Variants in FHAD1 observed in about 807,000 individuals in gnomAD.
FHAD1 encodes forkhead-associated domain-containing protein 1.
FHAD1 carries 146 observed loss-of-function variants against 191.3 expected under a neutral mutation model. That is an observed-to-expected ratio of 0.76 (90% CI 0.67 to 0.88). FHAD1 has a LOEUF of 0.88. FHAD1 is among the 40% of genes least tolerant of loss of function. The pLI is 0.00. For missense variants in FHAD1, 1,635 were observed against 1,785.8 expected (o/e 0.92, Z 1.52); for synonymous variants, 616 against 672.3 (o/e 0.92, Z 1.29).
chr1:15,355,591 A>G (rs1692449474), intron 20 of FHAD1, among the ~76,000 whole-genome samples: 2 of 152,208 alleles, frequency 1.3e-5, no homozygotes, highest in African/African-American at 2.4e-5. Flanking sequence ...CAGCTCTTCA[A>G]AGAAACAATT....
chr1:15,392,485 T>C (rs1188203003), intron 33 of FHAD1, among the ~76,000 whole-genome samples: 2 of 152,110 alleles, frequency 1.3e-5, no homozygotes, highest in African/African-American at 2.4e-5. Context: ...TGAGCCGAGA[T>C]TGCGCCACTG....
At chr1:15,358,567 C>T (rs1047862959) in intron 21 of FHAD1, among the ~76,000 whole-genome samples, 1 of 152,210 alleles carries the variant, frequency 6.6e-6, no homozygotes, top group Non-Finnish European at 1.5e-5. Flanking sequence ...TAATGAGAAG[C>T]GTTGGTTTAG....
At chr1:15,272,604 G>A in intron 3 of FHAD1, 75 bp downstream of exon 3, 1 of 1,362,622 alleles carries the variant, frequency 7.3e-7, no homozygotes, top group Non-Finnish European at 1.0e-6. Flanking sequence ...CAGCTGCAGG[G>A]TGGCGCTTAT....
chr1:15,307,160 A>C (rs997951788), intron 6 of FHAD1, among the ~76,000 whole-genome samples: 1 of 152,126 alleles, frequency 6.6e-6, no homozygotes, highest in African/African-American at 2.4e-5. Flanking sequence ...TGGAGCTTTA[A>C]AGTTTGACTG....
chr1:15,401,490 C>T (rs1042287097), downstream of FHAD1, among the ~76,000 whole-genome samples: 18 of 152,342 alleles, frequency 1.2e-4, no homozygotes, highest in African/African-American at 4.1e-4. Flanking sequence ...AACTTCCTTC[C>T]GCCCTTGCCA....
intron 2 of FHAD1, among the ~76,000 whole-genome samples, chr1:15,258,296 C>G (rs1463932687): frequency 1.3e-5 from 2 of 152,204 alleles, no homozygotes; most frequent in African/African-American, 4.8e-5. Context: ...CTTTCTGTCT[C>G]TGAATTTGCC....
chr1:15,382,045 T>C lies in FHAD1; in HGVS notation c.4040T>C (p.Ile1347Thr). 4.5e-6 allele frequency: 7 copies of C among 1,551,980 alleles called. No homozygotes were observed. The highest frequency in any genetic ancestry group is 6.1e-6 in the Non-Finnish European group (7 of 1,147,064). ...GCACCCAGGCGGAGCAAAGTGTCCA[T>C]TGAGATGTACCAGTCGCAGGTGGCA... ...VEQLRRSKVS[I>T]EMYQSQVAKL... Residue 1347 changes from isoleucine (I) to threonine (T), a missense_variant, in exon 31 of 34, where the codon ATT (isoleucine) becomes ACT (threonine). Transcript: ENST00000688493.
intron 31 of FHAD1, among the ~76,000 whole-genome samples, chr1:15,384,959 C>G (rs1297704227): frequency 6.6e-6 from 1 of 152,066 alleles, no homozygotes; most frequent in Admixed American, 6.6e-5. Context: ...ACCTCCGATC[C>G]CGGCCCTCCC....
At chr1:15,296,832 C>T (rs1667140532) in intron 5 of FHAD1, 39 bp downstream of exon 5, 1 of 1,498,078 alleles carries the variant, frequency 6.7e-7, no homozygotes, top group African/African-American at 1.4e-5. Flanking sequence ...GCTGCAGCAG[C>T]AAGCGCACTG....
At chr1:15,302,740 G>A (rs934942867) in intron 6 of FHAD1, among the ~76,000 whole-genome samples, 3 of 152,148 alleles carry the variant, frequency 2.0e-5, no homozygotes, top group African/African-American at 7.2e-5. Context: ...AGTGGTCAGT[G>A]ATATTGTATA....
At chr1:15,342,271 A>C (rs1687018312) in intron 16 of FHAD1, among the ~76,000 whole-genome samples, 2 of 152,200 alleles carry the variant, frequency 1.3e-5, no homozygotes. Context: ...CTCTTTATAC[A>C]TATCGGGGGA....
chr1:15,369,339 C>T (rs750620223), intron 25 of FHAD1, 31 bp from the exon 26 acceptor site: 134 of 1,551,024 alleles, frequency 8.6e-5, no homozygotes, highest in Non-Finnish European at 6.1e-6. Context: ...GTTTCCAGAA[C>T]CTCGTGCCAT....
intron 3 of FHAD1, among the ~76,000 whole-genome samples, chr1:15,281,063 C>T (rs528471122): frequency 6.6e-6 from 1 of 152,344 alleles, no homozygotes; most frequent in South Asian, 2.1e-4. Context: ...AAATCCTAGA[C>T]ATAATTGATC....
At chr1:15,326,955 C>A in intron 11 of FHAD1, 104 bp from the exon 12 acceptor site, 1 of 684,854 alleles carries the variant, frequency 1.5e-6, no homozygotes, top group Non-Finnish European at 2.6e-6. Flanking sequence ...TTCAGGCGTG[C>A]AAACCCTGCT....
Position 15,349,068 on chromosome 1 carries a change from A to T in FHAD1, c.2373A>T (p.Glu791Asp). ...KEVLESSIAH[E>D]KRKAKEALES... Reference sequence around the variant, plus strand: ...TTTTGGAGAGCAGCATAGCCCATGAAAAAAGAAAAGCAAAGGAAGCCTTGG... The same window carrying T: ...TTTTGGAGAGCAGCATAGCCCATGATAAAAGAAAAGCAAAGGAAGCCTTGG... Residue 791 changes from glutamate (E) to aspartate (D), a missense_variant, in exon 19 of 34, where the codon GAA (glutamate) becomes GAT (aspartate). Transcript: ENST00000688493. The T allele has an allele frequency of 1.3e-6, 2 of 1,551,774 alleles. No individual in the cohort carries two copies. Among genetic ancestry groups the T allele is most frequent in the Middle Eastern group, 1.7e-4 (1 of 5,992 alleles).
At chr1:15,299,779 A>G (rs886081229) in intron 5 of FHAD1, among the ~76,000 whole-genome samples, 1 of 152,204 alleles carries the variant, frequency 6.6e-6, no homozygotes, top group Admixed American at 6.5e-5. Context: ...TATTGAACAA[A>G]CACCTGGCTG....
rs775119183 is a variant in FHAD1 at position 15,328,409 on chromosome 1, A to T, written c.1690A>T (p.Thr564Ser). 10 of 1,527,690 alleles carry T rather than the reference A, an allele frequency of 6.5e-6. No homozygotes were observed. The highest frequency in any genetic ancestry group is 7.9e-6 in the Non-Finnish European group (9 of 1,137,860). 94.6% of individuals were successfully genotyped at this position (1,527,690 alleles called of 1,614,324 possible). ...ETTENIEKLR[T>S]SLDSCQACMK... ...CACCGAGAACATCGAGAAGCTGAGG[A>T]CGTCGCTGGACAGCTGCCAGGTGGC... The change falls in exon 13 of 34, where the codon ACG becomes TCG. Residue 564 changes from threonine (T) to serine (S), a missense_variant. Thr to Ser is a moderately conservative substitution (Grantham distance 58). Transcript: ENST00000688493.
intron 16 of FHAD1, among the ~76,000 whole-genome samples, chr1:15,342,185 C>G (rs1163260396): frequency 6.6e-6 from 1 of 152,182 alleles, no homozygotes; most frequent in Non-Finnish European, 1.5e-5. Flanking sequence ...GCTGCAGGTC[C>G]TGGTTTGTAG....
intron 5 of FHAD1, among the ~76,000 whole-genome samples, chr1:15,297,467 A>G (rs1421932069): frequency 3.3e-5 from 5 of 152,204 alleles, no homozygotes; most frequent in Admixed American, 3.3e-4. Context: ...AGCCATTCTC[A>G]GAGTCTGTAA....
Sources: allele counts gnomAD v4.1 joint callset (sites outside exome capture counted in the v4.1 genomes callset), GRCh38; gene constraint gnomAD v4.1.1; transcripts MANE v1.5; gene names NCBI Gene and HGNC (gene_info 2026-07-23, HGNC 2026-07-21).